The following PIK3CB variants were observed in gnomAD, a reference collection of about 807,000 sequenced individuals.
The protein encoded by PIK3CB is phosphatidylinositol-4,5-bisphosphate 3-kinase catalytic subunit beta, also known as phosphatidylinositol 4,5-bisphosphate 3-kinase catalytic subunit beta isoform.
Under a neutral mutation model 136.8 loss-of-function variants are expected in PIK3CB, and 39 were observed. That is an observed-to-expected ratio of 0.29 (90% confidence interval 0.22 to 0.37). PIK3CB has a LOEUF of 0.37. Ranked by LOEUF, PIK3CB falls within the 10% of genes least tolerant of loss-of-function variation. The probability of loss-of-function intolerance (pLI) is 1.00; values close to 1 mark genes in which losing one functional copy is unlikely to be tolerated. For synonymous variants in PIK3CB, 428 were observed against 436.6 expected, an observed-to-expected ratio of 0.98 and a Z score of 0.25; for missense variants, 868 against 1,275.4, an observed-to-expected ratio of 0.68 and a Z score of 4.87.
chr3:138,760,779 T>C (rs1371614064), intron 2 of PIK3CB, among the ~76,000 whole-genome samples: 2 of 152,110 alleles, frequency 1.3e-5, no homozygotes, highest in East Asian at 3.9e-4. Context: ...TAGTGGTGCA[T>C]ACCTGTAGTC....
chr3:138,795,278 C>G (rs1461353524), intron 2 of PIK3CB, among the ~76,000 whole-genome samples: 1 of 147,886 alleles, frequency 6.8e-6, no homozygotes, highest in Non-Finnish European at 1.5e-5. Flanking sequence ...CGAGATCACA[C>G]CACAGCACTC....
chr3:138,702,344 C>T (rs1389376969), intron 12 of PIK3CB, among the ~76,000 whole-genome samples: 1 of 151,280 alleles, frequency 6.6e-6, no homozygotes, highest in Admixed American at 6.6e-5. Context: ...CAAAGTGCTG[C>T]GATTATAGGG....
chr3:138,789,130 A>C (rs1453938634), intron 2 of PIK3CB, among the ~76,000 whole-genome samples: 1 of 152,118 alleles, frequency 6.6e-6, no homozygotes, highest in South Asian at 2.1e-4. Context: ...ATTGTTCCTC[A>C]AAAAATTAAA....
At chr3:138,804,779 C>G (rs1281781245) in intron 1 of PIK3CB, among the ~76,000 whole-genome samples, 3 of 152,184 alleles carry the variant, frequency 2.0e-5, no homozygotes, top group Non-Finnish European at 4.4e-5. Context: ...AATCCCAGCA[C>G]TTTGGGAGGC....
At chr3:138,698,674 A>G (rs1354820114) in intron 13 of PIK3CB, among the ~76,000 whole-genome samples, 3 of 152,216 alleles carry the variant, frequency 2.0e-5, no homozygotes, top group African/African-American at 7.2e-5. Flanking sequence ...CCCAAGATCA[A>G]TGTTTCAATT....
intron 1 of PIK3CB, among the ~76,000 whole-genome samples, chr3:138,822,801 C>A (rs145107301): frequency 3.5e-5 from 5 of 144,918 alleles, no homozygotes; most frequent in Admixed American, 7.2e-5. Context: ...GAGATCACGC[C>A]ACTGCAAATA....
At chr3:138,730,016 T>C (rs2044935677) in intron 8 of PIK3CB, among the ~76,000 whole-genome samples, 1 of 152,180 alleles carries the variant, frequency 6.6e-6, no homozygotes, top group South Asian at 2.1e-4. Flanking sequence ...GCTTTAACAT[T>C]CTACTGGAGC....
intron 14 of PIK3CB, among the ~76,000 whole-genome samples, chr3:138,691,395 T>G (rs2044004971): frequency 6.6e-6 from 1 of 152,192 alleles, no homozygotes; most frequent in Non-Finnish European, 1.5e-5. Flanking sequence ...AATTAGATTG[T>G]GATATGGTCT....
intron 19 of PIK3CB, among the ~76,000 whole-genome samples, chr3:138,677,396 CA>C (rs543319907): frequency 7.2e-5 from 11 of 152,012 alleles, no homozygotes; most frequent in Admixed American, 5.2e-4. Context: ...CATTTTCAGA[CA>C]AAACCCGGAG....
chr3:138,738,379 T>C (rs2045159883), intron 5 of PIK3CB, among the ~76,000 whole-genome samples: 1 of 152,034 alleles, frequency 6.6e-6, no homozygotes, highest in African/African-American at 2.4e-5. Flanking sequence ...CACCATGTTG[T>C]CCAGGCTAGT....
At chr3:138,795,498 G>T (rs1035125196) in intron 2 of PIK3CB, among the ~76,000 whole-genome samples, 5 of 151,962 alleles carry the variant, frequency 3.3e-5, no homozygotes, top group African/African-American at 1.2e-4. Context: ...GGGCGAGGTG[G>T]CACACGCCTG....
In PIK3CB at chr3:138,672,945, G is replaced by A. The variant is rs540846186; in HGVS notation, c.2505-7742C>T. ...AAAAAAAAAAAGAGAGAGAGAGAAAGAGATGAAAAAGAATAGAAAGTCTAA... is the reference window on the plus strand; with the variant it reads ...AAAAAAAAAAAGAGAGAGAGAGAAAAAGATGAAAAAGAATAGAAAGTCTAA... On this transcript the variant is annotated intron_variant, in intron 19 of 23. Coordinates refer to ENST00000674063, the MANE Select transcript of PIK3CB (RefSeq NM_006219.3). 6.1e-4 allele frequency among the ~76,000 whole-genome samples: 88 copies of A among 144,342 alleles called. 1 individual carries two copies. The highest frequency in any genetic ancestry group is 3.6e-3 in the Middle Eastern group (1 of 276). The allele number at this position is 144,342 out of a possible 152,430, so 94.7% of individuals were successfully genotyped here.
At chr3:138,817,165 C>T (rs999029134) in intron 1 of PIK3CB, among the ~76,000 whole-genome samples, 2 of 152,036 alleles carry the variant, frequency 1.3e-5, no homozygotes, top group Non-Finnish European at 2.9e-5. Context: ...AGTGAAACCC[C>T]GTCTCTACTA....
chr3:138,794,481 T>C (rs2046087204), intron 2 of PIK3CB, among the ~76,000 whole-genome samples: 1 of 152,128 alleles, frequency 6.6e-6, no homozygotes, highest in Admixed American at 6.6e-5. Flanking sequence ...TGGCAGGCAG[T>C]ATGAATTTAG....
At chr3:138,765,319 A>C (rs1270351991) in intron 2 of PIK3CB, among the ~76,000 whole-genome samples, 1 of 151,818 alleles carries the variant, frequency 6.6e-6, no homozygotes, top group African/African-American at 2.4e-5. Flanking sequence ...TCCATTTCCA[A>C]AAAAAAAGAA....
At chr3:138,770,281 T>C (rs1351699341) in intron 2 of PIK3CB, 1 of 152,216 alleles carries the variant, frequency 6.6e-6, no homozygotes, top group Non-Finnish European at 1.5e-5. Flanking sequence ...GTTTAAAAGT[T>C]CTCAGCTTCC....
intron 13 of PIK3CB, among the ~76,000 whole-genome samples, chr3:138,697,734 C>A (rs1424715012): frequency 6.6e-6 from 1 of 151,682 alleles, no homozygotes; most frequent in Non-Finnish European, 1.5e-5. Flanking sequence ...GAGCCACAGA[C>A]CCCAGCCATT....
intron 1 of PIK3CB, among the ~76,000 whole-genome samples, chr3:138,822,566 G>T (rs944914918): frequency 6.6e-6 from 1 of 151,320 alleles, no homozygotes; most frequent in Non-Finnish European, 1.5e-5. Context: ...AAGAAAATAC[G>T]TAACTGCAGC....
chr3:138,781,124 T>C (rs552467117), intron 2 of PIK3CB, among the ~76,000 whole-genome samples: 2 of 151,964 alleles, frequency 1.3e-5, no homozygotes, highest in East Asian at 3.9e-4. Context: ...ACCTCATCTC[T>C]ACAAAAAAAT....
Sources: allele counts gnomAD v4.1 joint callset (sites outside exome capture counted in the v4.1 genomes callset), GRCh38; gene constraint gnomAD v4.1.1; transcripts MANE v1.5; gene names NCBI Gene and HGNC (gene_info 2026-07-23, HGNC 2026-07-21).